SLC17A1: variants seen among roughly 807,000 people sequenced by gnomAD.
The protein encoded by SLC17A1 is sodium-dependent phosphate transport protein 1.
SLC17A1 carries 51 observed loss-of-function variants against 53.5 expected under a neutral mutation model. The observed-to-expected ratio is 0.95, with a 90% CI of 0.76 to 1.20. The LOEUF (loss-of-function observed/expected upper bound fraction) is 1.20. Among genes scored for constraint, SLC17A1 ranks in the 50% most tolerant of loss-of-function variants. SLC17A1 has a pLI of 0.00. For synonymous variants in SLC17A1, 179 were observed against 198.8 expected, an observed-to-expected ratio of 0.90 and a Z score of 0.84; for missense variants, 538 against 568.2, an observed-to-expected ratio of 0.95 and a Z score of 0.54.
At chr6:25,732,553 C>A in the SLC17A1 span, 1 of 605,540 alleles carries the variant, frequency 1.7e-6, no homozygotes, top group Non-Finnish European at 2.8e-6. Context: ...GGCAACGATG[C>A]CGAGAGGGTC....
intron 8 of SLC17A1, 48 bp downstream of exon 8, chr6:25,812,783 C>A: frequency 7.0e-7 from 1 of 1,431,330 alleles, no homozygotes; most frequent in Non-Finnish European, 9.6e-7. Flanking sequence ...GACAAATGTA[C>A]ACAGAGTCTT....
At chr6:25,783,967 C>T (rs1371710593) in intron 12 of SLC17A1, among the ~76,000 whole-genome samples, 6 of 138,654 alleles carry the variant, frequency 4.3e-5, no homozygotes, top group African/African-American at 1.5e-4. Context: ...TTCTCCAAAA[C>T]CTGAAAAGGG....
chr6:25,761,976 C>T, the SLC17A1 span: 38 of 1,613,092 alleles, frequency 2.4e-5, no homozygotes, highest in East Asian at 8.5e-4. Flanking sequence ...TCTACCGGAC[C>T]AGATGTCAAG....
the SLC17A1 span, chr6:25,777,202 G>A: frequency 2.1e-6 from 1 of 465,156 alleles, no homozygotes; most frequent in Non-Finnish European, 3.8e-6. Context: ...TCAACTGAGG[G>A]AGACTCACAC....
chr6:25,801,117 G>A, intron 10 of SLC17A1, 137 bp from the exon 11 acceptor site: 1 of 614,402 alleles, frequency 1.6e-6, no homozygotes, highest in Admixed American at 2.9e-5. Flanking sequence ...TAAGATGTTA[G>A]AAAAAGTATA....
chr6:25,789,359 ATAAG>A (rs1274027963), intron 12 of SLC17A1, among the ~76,000 whole-genome samples: 2 of 152,356 alleles, frequency 1.3e-5, no homozygotes, highest in East Asian at 3.9e-4. Flanking sequence ...ACTAAAATAA[ATAAG>A]TGAATAAATT....
At chr6:25,755,761 T>C in the SLC17A1 span, among the ~76,000 whole-genome samples, 2 of 152,170 alleles carry the variant, frequency 1.3e-5, no homozygotes, top group African/African-American at 4.8e-5. Flanking sequence ...CCCTTCTGGG[T>C]CTAACAGGAG....
the SLC17A1 span, chr6:25,727,199 G>A: frequency 3.1e-6 from 5 of 1,614,190 alleles, no homozygotes; most frequent in Non-Finnish European, 4.2e-6. Context: ...GAGAGATTCA[G>A]ACAGCAGTGC....
chr6:25,773,127 C>T, the SLC17A1 span: 1 of 695,506 alleles, frequency 1.4e-6, no homozygotes, highest in South Asian at 1.8e-5. Context: ...GAAGTACCCT[C>T]CCCCATGATA....
chr6:25,791,391 T>C (rs980788240), intron 12 of SLC17A1, among the ~76,000 whole-genome samples: 2 of 152,210 alleles, frequency 1.3e-5, no homozygotes, highest in Non-Finnish European at 2.9e-5. Context: ...GACCACTGAA[T>C]ATGTTGTAAA....
At chr6:25,762,041 T>G in the SLC17A1 span, 2 of 1,613,126 alleles carry the variant, frequency 1.2e-6, no homozygotes, top group African/African-American at 2.7e-5. Context: ...TCAAGAGGAA[T>G]GCTCCAGGAA....
At chr6:25,769,362 T>C in the SLC17A1 span, among the ~76,000 whole-genome samples, 1 of 152,202 alleles carries the variant, frequency 6.6e-6, no homozygotes, top group Admixed American at 6.5e-5. Context: ...ACACCTTTAG[T>C]CCCAGCACTT....
the SLC17A1 span, among the ~76,000 whole-genome samples, chr6:25,748,334 T>C: frequency 1.9e-4 from 29 of 152,006 alleles, no homozygotes; most frequent in African/African-American, 7.0e-4. Context: ...TGAGCAAGAA[T>C]CAGGAGAACA....
chr6:25,746,212 G>A, the SLC17A1 span, among the ~76,000 whole-genome samples: 1 of 152,176 alleles, frequency 6.6e-6, no homozygotes, highest in Non-Finnish European at 1.5e-5. Flanking sequence ...GGAAAGCATA[G>A]TTAATCACAG....
At chr6:25,824,606 T>G (rs1054073340) in intron 3 of SLC17A1, among the ~76,000 whole-genome samples, 2 of 151,734 alleles carry the variant, frequency 1.3e-5, no homozygotes, top group Admixed American at 1.3e-4. Context: ...ATACATGAAA[T>G]AGTATAGTGT....
the SLC17A1 span, among the ~76,000 whole-genome samples, chr6:25,749,112 C>A: frequency 1.3e-5 from 2 of 152,204 alleles, no homozygotes; most frequent in Non-Finnish European, 2.9e-5. Context: ...CCCACGAGGC[C>A]ATATTTCAGA....
intron 10 of SLC17A1, among the ~76,000 whole-genome samples, chr6:25,808,309 A>G (rs1482021475): frequency 2.0e-5 from 3 of 151,898 alleles, no homozygotes; most frequent in Non-Finnish European, 2.9e-5. Context: ...ACAAAGGCAT[A>G]CAGAGTGATA....
At chr6:25,769,011 G>A in the SLC17A1 span, 1 of 1,613,992 alleles carries the variant, frequency 6.2e-7, no homozygotes, top group Non-Finnish European at 8.5e-7. Context: ...ACATGGGCTG[G>A]CCCTCATCTT....
At chr6:25,829,669 C>T (rs149001271) in intron 2 of SLC17A1, among the ~76,000 whole-genome samples, 53 of 152,162 alleles carry the variant, frequency 3.5e-4, no homozygotes, top group African/African-American at 1.3e-3. Flanking sequence ...AAAAAGAAGA[C>T]CACAGGGGGA....
Sources: allele counts gnomAD v4.1 joint callset (sites outside exome capture counted in the v4.1 genomes callset), GRCh38; gene constraint gnomAD v4.1.1; transcripts MANE v1.5; gene names NCBI Gene and HGNC (gene_info 2026-07-23, HGNC 2026-07-21).